CACNA1A: variants seen among roughly 807,000 people sequenced by gnomAD.
CACNA1A encodes voltage-dependent P/Q-type calcium channel subunit alpha-1A.
CACNA1A carries 57 observed loss-of-function variants against 262.4 expected under a neutral mutation model. That is an observed-to-expected ratio of 0.22 (90% CI 0.18 to 0.27). CACNA1A has a LOEUF of 0.27. Ranked by LOEUF, CACNA1A falls within the 10% of genes least tolerant of loss-of-function variation. The pLI, the probability that CACNA1A is intolerant of heterozygous loss-of-function variation, is 1.00. For synonymous variants in CACNA1A, 1,431 were observed against 1,419.3 expected (o/e 1.01, Z -0.18); for missense variants, 2,526 against 3,562.8 (o/e 0.71, Z 7.41).
intron 3 of CACNA1A, among the ~76,000 whole-genome samples, chr19:13,411,954 G>A (rs1488363365): frequency 2.6e-5 from 4 of 151,784 alleles, no homozygotes; most frequent in Non-Finnish European, 4.4e-5. Context: ...GGGCTCAAGC[G>A]GCCTTCCCCA....
At chr19:13,505,315 C>T (rs1173668941) in intron 1 of CACNA1A, among the ~76,000 whole-genome samples, 1 of 152,188 alleles carries the variant, frequency 6.6e-6, no homozygotes, top group Non-Finnish European at 1.5e-5. Context: ...CAGCGGCCCA[C>T]CCTGGGGTAC....
Position 13,506,209 on chromosome 19 carries a change from C to T in CACNA1A, c.16G>A (p.Asp6Asn). The change falls in exon 1 of 47, where the codon GAC becomes AAC. Residue 6 changes from aspartate to asparagine, a missense_variant. Asp to Asn is a conservative substitution (Grantham distance 23). This residue lies in a region of CACNA1A where 65 missense variants were observed against 75.6 expected (regional missense o/e 0.86). Coordinates refer to ENST00000360228, the MANE Select transcript of CACNA1A (RefSeq NM_001127222.2). The part of the protein sequence containing the change: MARFG[D>N]EMPARYGGGG... Reference sequence around the variant, plus strand: ...CCCCCGTAGCGGGCCGGCATCTCGTCTCCGAAGCGGGCCATTCTGCAAAGA... The same window carrying T: ...CCCCCGTAGCGGGCCGGCATCTCGTTTCCGAAGCGGGCCATTCTGCAAAGA... The T allele has an allele frequency of 6.7e-7, 1 of 1,488,576 alleles. No homozygotes were observed. Among genetic ancestry groups the T allele is most frequent in the Non-Finnish European group, 8.9e-7 (1 of 1,125,972 alleles). 92.2% of individuals were successfully genotyped at this position (1,488,576 alleles called of 1,614,324 possible). A position where few individuals can be genotyped will look rare whatever the true frequency, so the allele number is the denominator to read the frequency against.
At chr19:13,395,568 T>G (rs2059794810) in intron 3 of CACNA1A, among the ~76,000 whole-genome samples, 1 of 150,324 alleles carries the variant, frequency 6.7e-6, no homozygotes, top group South Asian at 2.1e-4. Flanking sequence ...GCCGAGATTG[T>G]GCCACTGTAC....
intron 12 of CACNA1A, among the ~76,000 whole-genome samples, chr19:13,311,972 T>C (rs1375055001): frequency 2.0e-5 from 3 of 152,218 alleles, no homozygotes; most frequent in Admixed American, 2.0e-4. Context: ...ACAACCTTAA[T>C]TTCACTTCCA....
In CACNA1A at chr19:13,245,258, A is replaced by C. The variant is rs771061659; in HGVS notation, c.4874T>G (p.Phe1625Cys). 2 of 1,613,728 alleles carry C rather than the reference A, an allele frequency of 1.2e-6. No individual in the cohort carries two copies. Among genetic ancestry groups the C allele is most frequent in the African/African-American group, 1.3e-5 (1 of 75,058 alleles). ...GTCGAAGATGTTCCAGGCATCGCGG[A>C]AATAATTCTAGAATGGGGACCCACA... ...KVMAFGILNY[F>C]RDAWNIFDFV... The change falls in exon 31 of 47, where the codon TTC becomes TGC. Residue 1625 changes from phenylalanine to cysteine, a missense_variant. By Grantham distance (205) the Phe-to-Cys change is radical. Around this residue, in one of 17 missense-constraint regions of CACNA1A, gnomAD observed 66 missense variants for 195.8 expected, o/e 0.34. Transcript: ENST00000360228.
In CACNA1A at chr19:13,413,169, T is replaced by C. The variant is rs372446799; in HGVS notation, c.539+39707A>G. 4.5e-4 allele frequency among the ~76,000 whole-genome samples: 68 copies of C among 151,110 alleles called. No individual in the cohort carries two copies. In the East Asian group the frequency reaches 7.9e-3, roughly 18 times the overall value. On this transcript the variant is annotated intron_variant, in intron 3 of 46. Coordinates refer to ENST00000360228, the MANE Select transcript of CACNA1A (RefSeq NM_001127222.2). ...TCGCCCAGGCTGGAGTGCAGTGGCG[T>C]GATCTCAGCTCACTGCAAGCTCCGC...
At chr19:13,404,610 C>A (rs1380722535) in intron 3 of CACNA1A, among the ~76,000 whole-genome samples, 1 of 152,160 alleles carries the variant, frequency 6.6e-6, no homozygotes, top group Non-Finnish European at 1.5e-5. Context: ...AGAAAAGATA[C>A]CAGGGCCGTA....
At chr19:13,299,654 T>C (rs775318576) in intron 18 of CACNA1A, among the ~76,000 whole-genome samples, 1 of 152,166 alleles carries the variant, frequency 6.6e-6, no homozygotes, top group Non-Finnish European at 1.5e-5. Flanking sequence ...TATTCGATTC[T>C]AGTCACACAG....
At chr19:13,346,596 T>G (rs1187740426) in intron 6 of CACNA1A, among the ~76,000 whole-genome samples, 2 of 126,490 alleles carry the variant, frequency 1.6e-5, no homozygotes, top group East Asian at 2.4e-4. Context: ...GTTTATTTAT[T>G]AAGGAAAATT....
At position 13,235,196 on chromosome 19, in the gene CACNA1A, A is replaced by G. The variant is rs1473380139; in HGVS notation, c.5133+13T>C. On this transcript the variant is annotated intron_variant, in intron 33 of 46. Transcript: ENST00000360228. The stretch of plus-strand genomic sequence containing the variant: ...TTGGGAGGCTCTGGGAACCTTAGGG[A>G]CACGACACTCACCTGCATCCCAATG... 6.2e-7 allele frequency: 1 copy of G among 1,607,200 alleles called. No homozygotes were observed. Among genetic ancestry groups the G allele is most frequent in the East Asian group, 2.2e-5 (1 of 44,728 alleles).
rs1175437953 is a variant in CACNA1A, at chr19:13,214,800, GT to G, written c.5732-193del. 6 of 597,602 alleles carry G rather than the reference GT, an allele frequency of 1.0e-5. No homozygotes were observed. The East Asian group carries it at 1.4e-4, about 14-fold the overall frequency. The allele number at this position is 597,602 out of a possible 1,614,324, so 37.0% of individuals were successfully genotyped here. On this transcript the variant is annotated intron_variant, in intron 38 of 46. Coordinates refer to ENST00000360228, the MANE Select transcript of CACNA1A (RefSeq NM_001127222.2). The surrounding 1 kb of genome is among the most constrained non-coding windows in gnomAD (Gnocchi z 4.1). Reference sequence around the variant, plus strand: ...TGCTGGAATGACCTTGTGGGCTCTGGTTTTCGGTGGGGCCAGGACCATGGAG... The same window carrying G: ...TGCTGGAATGACCTTGTGGGCTCTGGTTTCGGTGGGGCCAGGACCATGGAG...
chr19:13,252,329 C>T (rs1255527415), intron 30 of CACNA1A, among the ~76,000 whole-genome samples: 1 of 152,088 alleles, frequency 6.6e-6, no homozygotes, highest in Admixed American at 6.6e-5. Flanking sequence ...CTGCCTTGGC[C>T]TCCTGAAGTG....
chr19:13,505,879 CG>C, intron 1 of CACNA1A, 52 bp downstream of exon 1: 1 of 1,551,938 alleles, frequency 6.4e-7, no homozygotes, highest in Non-Finnish European at 8.8e-7. Flanking sequence ...AGAGGGGAGG[CG>C]GAGGGAGGAG....
rs199642232 is a variant in CACNA1A, at chr19:13,410,547, T to C, written c.540-38768A>G. 1.1e-4 allele frequency among the ~76,000 whole-genome samples: 12 copies of C among 105,544 alleles called. No individual in the cohort carries two copies. In the East Asian group the frequency reaches 2.0e-3, roughly 18 times the overall value. The allele number at this position is 105,544 out of a possible 152,430, so 69.2% of individuals were successfully genotyped here. ...TTTTCTTTATTCTTTTTTCTTTTTT[T>C]TTTTTTTTTTAAGGGAAACAAACCT... is the stretch of plus-strand genomic sequence containing the variant. On this transcript the variant is annotated intron_variant, in intron 3 of 46. Transcript: ENST00000360228.
intron 10 of CACNA1A, among the ~76,000 whole-genome samples, chr19:13,325,060 C>T (rs1600333051): frequency 6.8e-6 from 1 of 147,726 alleles, no homozygotes; most frequent in African/African-American, 2.5e-5. Flanking sequence ...TTCCCCTTCC[C>T]CTTCCTCCTC....
Position 13,308,463 on chromosome 19 carries a change from G to T in CACNA1A, c.1734C>A (p.Ile578=). 1 of 1,613,638 alleles carries T rather than the reference G, an allele frequency of 6.2e-7. No homozygotes were observed. Among genetic ancestry groups the T allele is most frequent in the Non-Finnish European group, 8.5e-7 (1 of 1,179,712 alleles). ...AVIKPGTSFG[I]SVLRALRLLR... ...ATAACCTGAGGGCTCGTAACACGCT[G>T]ATTCCAAAGGATGTGCCAGGTTTTA... The change falls in exon 13 of 47, where the codon ATC becomes ATA. Residue 578 remains isoleucine (I), a synonymous_variant. Transcript: ENST00000360228. This position sits in a 1 kb window ranked among gnomAD's most constrained non-coding sequence, Gnocchi z 4.2.
intron 1 of CACNA1A, among the ~76,000 whole-genome samples, chr19:13,487,172 T>C (rs947825735): frequency 6.6e-6 from 1 of 152,186 alleles, no homozygotes; most frequent in Non-Finnish European, 1.5e-5. Flanking sequence ...GTAGGTCTTA[T>C]TTATTAAATA....
intron 6 of CACNA1A, among the ~76,000 whole-genome samples, chr19:13,341,127 G>A (rs2058669611): frequency 6.6e-6 from 1 of 152,154 alleles, no homozygotes; most frequent in South Asian, 2.1e-4. Context: ...GAGAAACCTG[G>A]GCACAGAGAC....
chr19:13,331,077 G>A (rs1011904611), intron 9 of CACNA1A, among the ~76,000 whole-genome samples: 1 of 151,950 alleles, frequency 6.6e-6, no homozygotes, highest in African/African-American at 2.4e-5. Context: ...TACCCTAAAT[G>A]AGTTAGATTA....
Sources: gnomAD v4.1 joint callset for allele counts (sites outside exome capture counted in the v4.1 genomes callset) on GRCh38, gnomAD v4.1.1 for gene constraint, gnomAD v4.1.1 regional missense constraint, Gnocchi (gnomAD v3.1) non-coding constraint, MANE v1.5 for transcripts, NCBI Gene and HGNC (gene_info 2026-07-23, HGNC 2026-07-21) for gene names.